Variants in FAM174A observed in about 807,000 individuals in gnomAD.
FAM174A encodes the protein family with sequence similarity 174 member A.
In FAM174A, 14 loss-of-function variants were observed where a neutral mutation model predicts 14.3. The ratio of observed to expected loss-of-function variants is 0.98; its 90% confidence interval spans 0.65 to 1.53. The LOEUF (loss-of-function observed/expected upper bound fraction) is 1.53. Ranked by LOEUF, FAM174A falls within the 40% of genes most tolerant of loss-of-function variation. The pLI is 0.00. For synonymous variants in FAM174A, 108 were observed against 111.4 expected (o/e 0.97, Z 0.19); for missense variants, 241 against 249.6 (o/e 0.97, Z 0.23).
At chr5:100,560,152 G>C (rs1403224525) in intron 1 of FAM174A, among the ~76,000 whole-genome samples, 1 of 152,058 alleles carries the variant, frequency 6.6e-6, no homozygotes, top group African/African-American at 2.4e-5. Context: ...CTGTTTGTTA[G>C]CTTTCTTTCT....
rs1745925755 is a variant in FAM174A at position 100,535,686 on chromosome 5, A to T, written c.156A>T (p.Thr52=). The part of the protein sequence containing the change: ...GLGPPDPRPR[T]LPPLPPGPTP... Reference sequence around the variant, plus strand: ...GGCCTCCTGACCCTAGACCACGGACATTACCGCCGCTGCCACCGGGCCCTA... The same window carrying T: ...GGCCTCCTGACCCTAGACCACGGACTTTACCGCCGCTGCCACCGGGCCCTA... Residue 52 remains threonine, a synonymous_variant, in exon 1 of 3, where the codon ACA becomes ACT. Transcript: ENST00000312637. 6.2e-7 allele frequency: 1 copy of T among 1,608,778 alleles called. No individual in the cohort carries two copies. The highest frequency in any genetic ancestry group is 1.1e-5 in the South Asian group (1 of 91,020).
chr5:100,583,118 A>G (rs1747053710), intron 2 of FAM174A, among the ~76,000 whole-genome samples: 1 of 152,208 alleles, frequency 6.6e-6, no homozygotes, highest in African/African-American at 2.4e-5. Flanking sequence ...AAGAGAAAAT[A>G]TATTTACTGT....
At chr5:100,559,264 C>T (rs936311900) in intron 1 of FAM174A, among the ~76,000 whole-genome samples, 1 of 152,072 alleles carries the variant, frequency 6.6e-6, no homozygotes, top group African/African-American at 2.4e-5. Context: ...TGAATATTGG[C>T]CCCCACTATC....
At chr5:100,547,164 A>G (rs1210923004) in intron 1 of FAM174A, among the ~76,000 whole-genome samples, 3 of 152,104 alleles carry the variant, frequency 2.0e-5, no homozygotes. Context: ...GGCTTGTGTT[A>G]GTTTTCAGTG....
chr5:100,586,466 TTTTGTTTCCTGC>T lies in FAM174A; in HGVS notation c.*285_*296del. The T allele has an allele frequency of 4.6e-6, 1 of 218,646 alleles. No homozygotes were observed. Among genetic ancestry groups the T allele is most frequent in the Non-Finnish European group, 9.0e-6 (1 of 111,656 alleles). The allele number at this position is 218,646 out of a possible 1,614,324, so 13.5% of individuals were successfully genotyped here. ...TATAAAACGGTGTTTTCTGATCGGT[TTTTGTTTCCTGC>T]TTACCATATGATTGTAAATTGTTTT... On this transcript the variant is annotated 3_prime_UTR_variant, in exon 3 of 3. Coordinates refer to ENST00000312637, the MANE Select transcript of FAM174A (RefSeq NM_198507.3).
chr5:100,586,448 C>T lies in FAM174A; in HGVS notation c.*264C>T, dbSNP rs75666553. 178 of 241,226 alleles carry T rather than the reference C, an allele frequency of 7.4e-4. No individual in the cohort carries two copies. Among genetic ancestry groups the T allele is most frequent in the East Asian group, 3.9e-3 (55 of 14,168 alleles). 14.9% of individuals were successfully genotyped at this position (241,226 alleles called of 1,614,324 possible). A position where few individuals can be genotyped will look rare whatever the true frequency, so the allele number is the denominator to read the frequency against. On this transcript the variant is annotated 3_prime_UTR_variant, in exon 3 of 3. Transcript: ENST00000312637. ...TATCTGTTTGAAAATTACTATAAAA[C>T]GGTGTTTTCTGATCGGTTTTTGTTT... is the stretch of plus-strand genomic sequence containing the variant.
intron 2 of FAM174A, among the ~76,000 whole-genome samples, chr5:100,584,174 G>A (rs758465728): frequency 8.5e-5 from 13 of 152,180 alleles, no homozygotes; most frequent in Non-Finnish European, 1.8e-4. Flanking sequence ...ACTGGCAGCT[G>A]GTGTTTGTCT....
At chr5:100,558,192 T>C (rs893013585) in intron 1 of FAM174A, among the ~76,000 whole-genome samples, 2 of 152,246 alleles carry the variant, frequency 1.3e-5, no homozygotes, top group African/African-American at 2.4e-5. Context: ...CATTTCGTTA[T>C]GTACCCAGTA....
At chr5:100,577,431 T>C (rs1451021808) in intron 2 of FAM174A, among the ~76,000 whole-genome samples, 1 of 152,154 alleles carries the variant, frequency 6.6e-6, no homozygotes, top group African/African-American at 2.4e-5. Context: ...TATTGTGTTA[T>C]ATGTGTTGAT....
chr5:100,558,173 T>C (rs1286929444), intron 1 of FAM174A, among the ~76,000 whole-genome samples: 2 of 152,228 alleles, frequency 1.3e-5, no homozygotes, highest in Non-Finnish European at 2.9e-5. Flanking sequence ...ACATCTTTAT[T>C]TCTGCCTTCA....
rs964745497 is a variant in FAM174A, at chr5:100,562,616, T to TTG, written c.569+443_569+444dup. ...CATGTGTGTTTGTGTGCGTGTGTGT[T>TTG]TGTGTGTGTGTGTGTGAGAGAGAAA... On this transcript the variant is annotated intron_variant, in intron 2 of 2. Transcript: ENST00000312637. Among the ~76,000 whole-genome samples, 125 of 150,016 alleles carry TTG rather than the reference T, an allele frequency of 8.3e-4. 1 individual carries two copies. The highest frequency in any genetic ancestry group is 1.2e-3 in the African/African-American group (51 of 41,120).
At chr5:100,550,719 C>G (rs1365660470) in intron 1 of FAM174A, among the ~76,000 whole-genome samples, 1 of 152,076 alleles carries the variant, frequency 6.6e-6, no homozygotes, top group Non-Finnish European at 1.5e-5. Flanking sequence ...GGTTTGTGAC[C>G]TAGTTAGGTA....
At chr5:100,558,834 T>C (rs536400686) in intron 1 of FAM174A, among the ~76,000 whole-genome samples, 26 of 152,304 alleles carry the variant, frequency 1.7e-4, no homozygotes, top group African/African-American at 6.3e-4. Context: ...TGTGTTTCTC[T>C]GCATGTGAGA....
chr5:100,577,211 ATAAT>A (rs1204790739), intron 2 of FAM174A, among the ~76,000 whole-genome samples: 1 of 152,138 alleles, frequency 6.6e-6, no homozygotes, highest in African/African-American at 2.4e-5. Context: ...CATAATAAAA[ATAAT>A]TAAGTTTTAA....
intron 2 of FAM174A, among the ~76,000 whole-genome samples, chr5:100,585,062 T>A (rs181666399): frequency 6.6e-6 from 1 of 152,322 alleles, no homozygotes; most frequent in African/African-American, 2.4e-5. Context: ...TTACTGGAGA[T>A]ACGAATTGCC....
intron 1 of FAM174A, among the ~76,000 whole-genome samples, chr5:100,556,988 G>A (rs2112380009): frequency 6.6e-6 from 1 of 152,238 alleles, no homozygotes; most frequent in African/African-American, 2.4e-5. Flanking sequence ...TGTTGAATAG[G>A]AGTGGTGAGA....
chr5:100,565,263 A>G (rs1746618524), intron 2 of FAM174A, among the ~76,000 whole-genome samples: 1 of 151,862 alleles, frequency 6.6e-6, no homozygotes, highest in East Asian at 1.9e-4. Context: ...AAGCCACAAG[A>G]TCATTTCAGT....
At chr5:100,567,734 A>C (rs1746693917) in intron 2 of FAM174A, among the ~76,000 whole-genome samples, 1 of 151,684 alleles carries the variant, frequency 6.6e-6, no homozygotes, top group African/African-American at 2.4e-5. Flanking sequence ...TTTCCTCATA[A>C]TTAGATTCAG....
intron 1 of FAM174A, among the ~76,000 whole-genome samples, chr5:100,538,905 G>A (rs1049132475): frequency 6.6e-6 from 1 of 152,024 alleles, no homozygotes; most frequent in Admixed American, 6.6e-5. Context: ...GATGGTTGTT[G>A]GTTTTAGCAC....
Sources: allele counts gnomAD v4.1 joint callset (sites outside exome capture counted in the v4.1 genomes callset), GRCh38; gene constraint gnomAD v4.1.1; transcripts MANE v1.5; gene names NCBI Gene and HGNC (gene_info 2026-07-23, HGNC 2026-07-21).